IMPG1: variants seen among roughly 807,000 people sequenced by gnomAD.
IMPG1 encodes the protein interphotoreceptor matrix proteoglycan of 150 kDa.
A neutral mutation model predicts 92.0 loss-of-function variants in IMPG1; 85 were observed. The observed-to-expected ratio is 0.92, with a 90% CI of 0.78 to 1.11. The LOEUF is 1.11. IMPG1 is among the 50% of genes least tolerant of loss of function. IMPG1 has a pLI of 0.00. For synonymous variants in IMPG1, 367 were observed against 334.1 expected (o/e 1.10, Z -1.08); for missense variants, 1,022 against 956.0 (o/e 1.07, Z -0.91).
At chr6:76,029,133 T>C (rs1299534041) in intron 4 of IMPG1, among the ~76,000 whole-genome samples, 1 of 152,330 alleles carries the variant, frequency 6.6e-6, no homozygotes, top group East Asian at 1.9e-4. Flanking sequence ...GCAGTCCCTG[T>C]ACAGGGTTCT....
chr6:75,927,265 T>C (rs1325952596), intron 15 of IMPG1, among the ~76,000 whole-genome samples: 1 of 152,136 alleles, frequency 6.6e-6, no homozygotes, highest in African/African-American at 2.4e-5. Context: ...GATGAGAAAT[T>C]TGAAGCTTAA....
intron 9 of IMPG1, among the ~76,000 whole-genome samples, chr6:76,006,924 G>A (rs1783108460): frequency 6.6e-6 from 1 of 152,042 alleles, no homozygotes; most frequent in African/African-American, 2.4e-5. Flanking sequence ...CTGATCACGT[G>A]TATTCTTGGT....
intron 1 of IMPG1, among the ~76,000 whole-genome samples, chr6:76,055,215 C>G (rs571345099): frequency 1.3e-5 from 2 of 152,106 alleles, no homozygotes; most frequent in African/African-American, 4.8e-5. Flanking sequence ...ACATATGCAT[C>G]ATGTTCTCAG....
At chr6:76,021,597 GT>G (rs752791859) in intron 6 of IMPG1, among the ~76,000 whole-genome samples, 129 of 151,784 alleles carry the variant, frequency 8.5e-4, no homozygotes, top group Middle Eastern at 6.8e-3. Flanking sequence ...AGAACACTGT[GT>G]TTATTTTTCC....
chr6:75,950,693 T>C lies in IMPG1; in HGVS notation c.1693A>G (p.Thr565Ala), dbSNP rs1271593489. ...AGCTCTCGGCCCTTGGGGGCAATGG[T>C]CATAGAACTAGTGGTGATATACTGT... ...ALQYITTSSM[T>A]IAPKGRELVV... Residue 565 changes from threonine to alanine, a missense_variant, in exon 13 of 17, where the codon ACC becomes GCC. Transcript: ENST00000369950. 2 of 1,613,790 alleles carry C rather than the reference T, an allele frequency of 1.2e-6. No individual in the cohort carries two copies. The highest frequency in any genetic ancestry group is 1.3e-5 in the African/African-American group (1 of 74,900).
chr6:75,988,847 A>T lies in IMPG1; in HGVS notation c.1291+14071T>A, dbSNP rs145141598. ...TCCAGGAAGCCACTGTGTCCCCAGCATTGATGTTTGTGTCTTTTATGGATG... is the reference window on the plus strand; with the variant it reads ...TCCAGGAAGCCACTGTGTCCCCAGCTTTGATGTTTGTGTCTTTTATGGATG... On this transcript the variant is annotated intron_variant, in intron 12 of 16. Transcript: ENST00000369950. 8.4e-4 allele frequency among the ~76,000 whole-genome samples: 128 copies of T among 152,200 alleles called. 1 individual carries two copies. The highest frequency in any genetic ancestry group is 3.0e-3 in the African/African-American group (124 of 41,530).
At chr6:76,034,257 T>G in intron 4 of IMPG1, 58 bp downstream of exon 4, 3 of 1,520,026 alleles carry the variant, frequency 2.0e-6, no homozygotes, top group East Asian at 2.3e-5. Flanking sequence ...TTCACTCCAT[T>G]ATATGATCTT....
intron 1 of IMPG1, among the ~76,000 whole-genome samples, chr6:76,055,672 A>T (rs1416673768): frequency 1.3e-5 from 2 of 151,140 alleles, no homozygotes; most frequent in Non-Finnish European, 2.9e-5. Flanking sequence ...GATTGATCCA[A>T]TAAAGAAGAC....
chr6:76,023,138 A>C (rs1457381194), intron 5 of IMPG1, among the ~76,000 whole-genome samples: 1 of 152,112 alleles, frequency 6.6e-6, no homozygotes. Flanking sequence ...TGGGTATCAG[A>C]ATCATCTAGG....
chr6:76,003,127 A>C (rs1268064029), intron 11 of IMPG1, 131 bp from the exon 12 acceptor site: 5 of 669,858 alleles, frequency 7.5e-6, no homozygotes, highest in South Asian at 5.0e-5. Context: ...TGAATCTACT[A>C]TGGAGGAAGG....
chr6:75,943,058 T>C (rs1781860702), intron 14 of IMPG1, among the ~76,000 whole-genome samples: 1 of 152,170 alleles, frequency 6.6e-6, no homozygotes, highest in Non-Finnish European at 1.5e-5. Context: ...TTTTGGGTTT[T>C]AGTACTGTCT....
At position 76,003,924 on chromosome 6, in the gene IMPG1, C is replaced by A; in HGVS notation, c.1162G>T (p.Gly388Cys). The A allele has an allele frequency of 6.2e-7, 1 of 1,612,996 alleles. No individual in the cohort carries two copies. The highest frequency in any genetic ancestry group is 2.2e-5 in the East Asian group (1 of 44,796). ...DEIAGSLPAF[G>C]PDTQSELPTS... ...GGCAGCTCTGATTGGGTGTCAGGAC[C>A]AAAGGCTGGCAGTGATCCAGCAATT... is the stretch of plus-strand genomic sequence containing the variant. Residue 388 changes from glycine to cysteine, a missense_variant, in exon 11 of 17, where the codon GGT becomes TGT. By Grantham distance (159) the Gly-to-Cys change is radical. This residue lies in a region of IMPG1 where 681 missense variants were observed against 583.6 expected (regional missense o/e 1.17). Coordinates refer to ENST00000369950, the MANE Select transcript of IMPG1 (RefSeq NM_001563.4).
Position 75,950,809 on chromosome 6 carries a change from T to A in IMPG1, c.1577A>T (p.Asp526Val). The change falls in exon 13 of 17, where the codon GAC (aspartate) becomes GTC (valine). Residue 526 changes from aspartate to valine, a missense_variant. Coordinates refer to ENST00000369950, the MANE Select transcript of IMPG1 (RefSeq NM_001563.4). ...TGGTACCTCAGATGGGGCAGGAGTG[T>A]CAGACAGATCCATTTCATCTAGGTG... is the stretch of plus-strand genomic sequence containing the variant. Reference protein sequence around the residue: ...VRHLDEMDLSDTPAPSEVPEL... With the variant: ...VRHLDEMDLSVTPAPSEVPEL... The A allele has an allele frequency of 6.2e-7, 1 of 1,613,960 alleles. No individual in the cohort carries two copies. The highest frequency in any genetic ancestry group is 8.5e-7 in the Non-Finnish European group (1 of 1,179,938).
Position 75,993,426 on chromosome 6 carries a change from C to T in IMPG1, c.1291+9492G>A, listed in dbSNP as rs577277667. Among the ~76,000 whole-genome samples, 9 of 151,888 alleles carry T rather than the reference C, an allele frequency of 5.9e-5. No homozygotes were observed. The East Asian group carries it at 1.7e-3, about 29-fold the overall frequency. ...GAGGTCACTCTTCTTAGTTTGTAGG[C>T]AGCTGTCCTCTAGTTGTATCCCCAC... is the stretch of plus-strand genomic sequence containing the variant. On this transcript the variant is annotated intron_variant, in intron 12 of 16. Coordinates refer to ENST00000369950, the MANE Select transcript of IMPG1 (RefSeq NM_001563.4).
intron 1 of IMPG1, among the ~76,000 whole-genome samples, chr6:76,050,317 C>T (rs143163761): frequency 0.016 from 2,485 of 152,158 alleles, 57 homozygotes; most frequent in African/African-American, 0.056. Flanking sequence ...GTGGCGCACC[C>T]CTGTAATCCC....
chr6:75,958,533 AT>A (rs759348488), intron 12 of IMPG1, among the ~76,000 whole-genome samples: 30 of 152,020 alleles, frequency 2.0e-4, no homozygotes, highest in Non-Finnish European at 3.8e-4. Flanking sequence ...CACCAATCAC[AT>A]GTAGGTTTGG....
chr6:76,022,591 T>C (rs1783451643), intron 5 of IMPG1, among the ~76,000 whole-genome samples: 1 of 152,206 alleles, frequency 6.6e-6, no homozygotes, highest in Non-Finnish European at 1.5e-5. Flanking sequence ...CCCAAGTCTT[T>C]AAAATGTAGA....
intron 12 of IMPG1, among the ~76,000 whole-genome samples, chr6:75,963,260 A>C (rs1265343507): frequency 6.6e-6 from 1 of 152,216 alleles, no homozygotes; most frequent in Non-Finnish European, 1.5e-5. Context: ...ATGATGTATG[A>C]AACGATGAGT....
At chr6:75,954,813 T>G (rs990914127) in intron 12 of IMPG1, among the ~76,000 whole-genome samples, 2 of 152,232 alleles carry the variant, frequency 1.3e-5, no homozygotes, top group African/African-American at 2.4e-5. Flanking sequence ...AGGGGTCCAG[T>G]TTCAGTCTTC....
Sources: allele counts gnomAD v4.1 joint callset (sites outside exome capture counted in the v4.1 genomes callset), GRCh38; gene constraint gnomAD v4.1.1; regional missense constraint gnomAD v4.1.1; transcripts MANE v1.5; gene names NCBI Gene and HGNC (gene_info 2026-07-23, HGNC 2026-07-21).